The following MACROD2 variants were observed in gnomAD, a reference collection of about 807,000 sequenced individuals.
MACROD2 encodes the protein mono-ADP ribosylhydrolase 2.
A neutral mutation model predicts 70.4 loss-of-function variants in MACROD2; 36 were observed. The ratio of observed to expected loss-of-function variants is 0.51; its 90% CI spans 0.39 to 0.68. The LOEUF is 0.68. Ranked by LOEUF, MACROD2 falls within the 30% of genes least tolerant of loss-of-function variation. MACROD2 has a pLI of 0.00. For synonymous variants in MACROD2, 172 were observed against 178.8 expected (o/e 0.96, Z 0.30); for missense variants, 496 against 538.4 (o/e 0.92, Z 0.78).
intron 5 of MACROD2, among the ~76,000 whole-genome samples, chr20:14,750,557 G>A (rs1037437321): frequency 3.3e-5 from 5 of 151,986 alleles, no homozygotes; most frequent in African/African-American, 9.7e-5. Flanking sequence ...CCTCCTGGGC[G>A]CAAGTGATCT....
At chr20:14,260,864 G>A (rs2082096010) in intron 3 of MACROD2, among the ~76,000 whole-genome samples, 1 of 152,196 alleles carries the variant, frequency 6.6e-6, no homozygotes, top group South Asian at 2.1e-4. Context: ...AAACACTGAT[G>A]GTTACACTTT....
At chr20:14,128,198 C>G (rs942573321) in intron 3 of MACROD2, 9 of 386,870 alleles carry the variant, frequency 2.3e-5, no homozygotes, top group Non-Finnish European at 4.5e-5. Flanking sequence ...GAACCAAATC[C>G]TAAGAAGATT....
chr20:14,827,073 C>G (rs1018052761), intron 5 of MACROD2, among the ~76,000 whole-genome samples: 1 of 152,068 alleles, frequency 6.6e-6, no homozygotes, highest in Non-Finnish European at 1.5e-5. Context: ...TCAGGGCGAG[C>G]AGCAACCCTG....
At chr20:15,151,884 T>G (rs1457304179) in intron 5 of MACROD2, among the ~76,000 whole-genome samples, 1 of 151,638 alleles carries the variant, frequency 6.6e-6, no homozygotes, top group Non-Finnish European at 1.5e-5. Flanking sequence ...AAGGAAGAAT[T>G]GGGACCTAGC....
At chr20:15,365,170 C>G (rs768533146) in intron 6 of MACROD2, among the ~76,000 whole-genome samples, 1 of 150,222 alleles carries the variant, frequency 6.7e-6, no homozygotes, top group African/African-American at 2.5e-5. Flanking sequence ...TTCTTTGGGG[C>G]GGGGCGGGGG....
intron 10 of MACROD2, among the ~76,000 whole-genome samples, chr20:15,924,790 A>C (rs1406501559): frequency 2.6e-5 from 4 of 152,370 alleles, no homozygotes; most frequent in African/African-American, 7.2e-5. Context: ...TCAGCAAAAA[A>C]AAAGCAAAGA....
At chr20:15,650,248 T>A (rs572738268) in intron 8 of MACROD2, among the ~76,000 whole-genome samples, 8 of 152,232 alleles carry the variant, frequency 5.3e-5, no homozygotes, top group South Asian at 2.1e-4. Flanking sequence ...AAATAAATGG[T>A]CATGAGAAAG....
chr20:14,684,416 G>A (rs2070973561), intron 4 of MACROD2, among the ~76,000 whole-genome samples: 1 of 152,238 alleles, frequency 6.6e-6, no homozygotes, highest in South Asian at 2.1e-4. Flanking sequence ...CCTGTGGTGT[G>A]TTAGAGGCAA....
At chr20:14,121,108 A>T (rs2054583442) in intron 3 of MACROD2, among the ~76,000 whole-genome samples, 1 of 152,182 alleles carries the variant, frequency 6.6e-6, no homozygotes. Context: ...TATTAGCTTA[A>T]GTTAAGCATT....
chr20:14,854,745 G>C (rs1164072003), intron 5 of MACROD2, among the ~76,000 whole-genome samples: 2 of 152,104 alleles, frequency 1.3e-5, no homozygotes, highest in African/African-American at 2.4e-5. Context: ...GGCCGGGCAC[G>C]ATGGCTCACG....
chr20:15,067,734 A>G (rs1334542502), intron 5 of MACROD2, among the ~76,000 whole-genome samples: 1 of 152,134 alleles, frequency 6.6e-6, no homozygotes. Context: ...ATGTAGATAT[A>G]TTGATTTATC....
At chr20:14,247,648 G>T (rs1015261169) in intron 3 of MACROD2, among the ~76,000 whole-genome samples, 1 of 152,220 alleles carries the variant, frequency 6.6e-6, no homozygotes, top group Non-Finnish European at 1.5e-5. Context: ...GGGTAGTGAA[G>T]ATGACGTTTT....
chr20:14,701,324 T>C (rs1568746519), intron 5 of MACROD2, among the ~76,000 whole-genome samples: 1 of 152,164 alleles, frequency 6.6e-6, no homozygotes, highest in Non-Finnish European at 1.5e-5. Context: ...TTTCATTCTA[T>C]CCTGAGTAGT....
At chr20:15,959,207 C>T (rs1025090599) in intron 12 of MACROD2, among the ~76,000 whole-genome samples, 3 of 152,146 alleles carry the variant, frequency 2.0e-5, no homozygotes, top group East Asian at 1.9e-4. Context: ...TGTTTTAACA[C>T]GTTTTTCTCA....
chr20:15,848,368 G>C (rs190942083), intron 8 of MACROD2, among the ~76,000 whole-genome samples: 19 of 151,592 alleles, frequency 1.3e-4, no homozygotes, highest in Admixed American at 9.2e-4. Flanking sequence ...CCAGGGGGAG[G>C]GGGGGGTCAT....
At chr20:14,220,941 G>C (rs2081667963) in intron 3 of MACROD2, among the ~76,000 whole-genome samples, 1 of 152,138 alleles carries the variant, frequency 6.6e-6, no homozygotes, top group Non-Finnish European at 1.5e-5. Flanking sequence ...CAGGATGGCT[G>C]GTTTGTTTTG....
At chr20:14,671,383 A>G (rs1181170255) in intron 4 of MACROD2, among the ~76,000 whole-genome samples, 1 of 152,066 alleles carries the variant, frequency 6.6e-6, no homozygotes, top group East Asian at 1.9e-4. Context: ...ATTGTTTCAT[A>G]TTTTTCCAAG....
At chr20:14,131,373 C>A (rs931728309) in intron 3 of MACROD2, among the ~76,000 whole-genome samples, 5 of 152,100 alleles carry the variant, frequency 3.3e-5, no homozygotes, top group Non-Finnish European at 7.4e-5. Flanking sequence ...AATCAAATAG[C>A]AGAACCATCT....
chr20:14,664,741 A>G (rs2070718501), intron 4 of MACROD2, among the ~76,000 whole-genome samples: 2 of 152,128 alleles, frequency 1.3e-5, no homozygotes, highest in Admixed American at 6.6e-5. Context: ...CCACGTTCTA[A>G]GTGCCTTACA....
Sources: allele counts gnomAD v4.1 joint callset (sites outside exome capture counted in the v4.1 genomes callset), GRCh38; gene constraint gnomAD v4.1.1; transcripts MANE v1.5; gene names NCBI Gene and HGNC (gene_info 2026-07-23, HGNC 2026-07-21).